AFDN: variants seen among roughly 807,000 people sequenced by gnomAD.
AFDN encodes afadin, adherens junction formation factor, also known as afadin.
AFDN carries 68 observed loss-of-function variants against 216.6 expected under a neutral mutation model. The ratio of observed to expected loss-of-function variants is 0.31; its 90% CI spans 0.26 to 0.38. The LOEUF is 0.38. Ranked by LOEUF, AFDN falls within the 10% of genes least tolerant of loss-of-function variation. The pLI is 1.00. For missense variants in AFDN, 2,136 were observed against 2,342.0 expected, an observed-to-expected ratio of 0.91 and a Z score of 1.82; for synonymous variants, 868 against 853.7, an observed-to-expected ratio of 1.02 and a Z score of -0.29.
intron 23 of AFDN, among the ~76,000 whole-genome samples, chr6:167,942,323 G>A (rs1350832533): frequency 6.6e-6 from 1 of 152,130 alleles, no homozygotes; most frequent in East Asian, 1.9e-4. Context: ...ACAGTGCCTC[G>A]CAGTGATTGA....
intron 26 of AFDN, among the ~76,000 whole-genome samples, chr6:167,944,416 A>G (rs1453884121): frequency 1.3e-5 from 2 of 152,170 alleles, no homozygotes; most frequent in Non-Finnish European, 2.9e-5. Flanking sequence ...GAATGAATGA[A>G]TGGATTTTCA....
chr6:167,856,312 A>G (rs1329529861), intron 1 of AFDN, among the ~76,000 whole-genome samples: 1 of 152,136 alleles, frequency 6.6e-6, no homozygotes, highest in Non-Finnish European at 1.5e-5. Flanking sequence ...GTATAGGAGA[A>G]AAAAACCTGT....
intron 21 of AFDN, among the ~76,000 whole-genome samples, chr6:167,922,333 C>G (rs926872244): frequency 4.6e-5 from 7 of 152,040 alleles, no homozygotes; most frequent in Admixed American, 2.0e-4. Flanking sequence ...TTAGTATGAC[C>G]TTAAAAGTAA....
At chr6:167,932,709 G>C (rs1269471728) in intron 23 of AFDN, 1 of 152,172 alleles carries the variant, frequency 6.6e-6, no homozygotes, top group Non-Finnish European at 1.5e-5. Context: ...AAGTTGTTGT[G>C]GTCCCGGAAA....
intron 5 of AFDN, among the ~76,000 whole-genome samples, chr6:167,876,679 G>T (rs1785423465): frequency 6.6e-6 from 1 of 152,136 alleles, no homozygotes; most frequent in Admixed American, 6.5e-5. Context: ...GGTAAACATA[G>T]CTAGCTTAGA....
chr6:167,880,637 C>G, intron 6 of AFDN, 120 bp downstream of exon 6: 1 of 962,816 alleles, frequency 1.0e-6, no homozygotes. Context: ...TGATAATTTA[C>G]AAATCATGTG....
chr6:167,864,205 G>C, intron 1 of AFDN: 1 of 511,356 alleles, frequency 2.0e-6, no homozygotes, highest in Non-Finnish European at 3.9e-6. Context: ...CTTGAAATAG[G>C]GTTAAATAAT....
At chr6:167,921,666 G>A (rs770736793) in intron 21 of AFDN, among the ~76,000 whole-genome samples, 14 of 151,444 alleles carry the variant, frequency 9.2e-5, no homozygotes, top group Non-Finnish European at 1.8e-4. Context: ...ATGGAAATGC[G>A]GCCCTTGAAA....
chr6:167,871,706 ATACT>A (rs749182082), intron 3 of AFDN, among the ~76,000 whole-genome samples: 96 of 152,368 alleles, frequency 6.3e-4, no homozygotes, highest in African/African-American at 2.1e-3. Context: ...CACAAACATA[ATACT>A]TACAACAGTT....
chr6:167,833,527 A>T (rs1780056085), intron 1 of AFDN, among the ~76,000 whole-genome samples: 1 of 152,224 alleles, frequency 6.6e-6, no homozygotes, highest in African/African-American at 2.4e-5. Context: ...TTGCAGACTT[A>T]AAACTTTTGG....
In AFDN at chr6:167,952,263, C is replaced by G. The variant is rs542645431; in HGVS notation, c.4833+76C>G. 18 of 1,607,946 alleles carry G rather than the reference C, an allele frequency of 1.1e-5. No homozygotes were observed. The South Asian group carries it at 1.7e-4, about 15-fold the overall frequency. ...TTCTGCGTGTTTCCCATGGGGATAG[C>G]TAGGCCCCTGATCGTGATAAGGATT... On this transcript the variant is annotated intron_variant, in intron 30 of 33. Transcript: ENST00000683244.
chr6:167,905,856 A>C (rs1351104437), intron 12 of AFDN, among the ~76,000 whole-genome samples: 1 of 152,194 alleles, frequency 6.6e-6, no homozygotes, highest in African/African-American at 2.4e-5. Context: ...CTATAATCCC[A>C]ACACTTTGGG....
At chr6:167,900,158 G>A (rs1022250257) in intron 11 of AFDN, among the ~76,000 whole-genome samples, 3 of 152,142 alleles carry the variant, frequency 2.0e-5, no homozygotes, top group South Asian at 2.1e-4. Flanking sequence ...GCTGCTTGGC[G>A]GCTGAACATA....
intron 23 of AFDN, among the ~76,000 whole-genome samples, chr6:167,934,083 ACT>A (rs1484665783): frequency 1.3e-5 from 2 of 152,158 alleles, no homozygotes; most frequent in Non-Finnish European, 2.9e-5. Flanking sequence ...AGAGTTGTGC[ACT>A]CTACCCTGGT....
intron 1 of AFDN, among the ~76,000 whole-genome samples, chr6:167,848,982 G>T (rs541594996): frequency 6.6e-6 from 1 of 152,250 alleles, no homozygotes; most frequent in South Asian, 2.1e-4. Flanking sequence ...ACGCAGTGCC[G>T]CATAGTGGTT....
At chr6:167,842,697 C>T (rs1013008898) in intron 1 of AFDN, among the ~76,000 whole-genome samples, 3 of 152,082 alleles carry the variant, frequency 2.0e-5, no homozygotes, top group African/African-American at 7.2e-5. Context: ...ATATTGCTTT[C>T]ATCACAGAAT....
intron 8 of AFDN, among the ~76,000 whole-genome samples, chr6:167,891,312 C>G (rs1003613478): frequency 4.6e-5 from 7 of 151,468 alleles, no homozygotes; most frequent in African/African-American, 1.2e-4. Flanking sequence ...ATTTTAATCC[C>G]TAAAATTTTT....
intron 33 of AFDN, among the ~76,000 whole-genome samples, chr6:167,969,425 T>C (rs60255171): frequency 0.017 from 2,525 of 152,318 alleles, 77 homozygotes; most frequent in African/African-American, 0.058. Context: ...ATTTGGCATA[T>C]TTATAGATGC....
chr6:167,857,231 T>TG (rs769300384), intron 1 of AFDN, among the ~76,000 whole-genome samples: 10 of 135,992 alleles, frequency 7.4e-5, no homozygotes, highest in Non-Finnish European at 1.2e-4. Context: ...AGGATGGGGG[T>TG]GGGGATAGTT....
Sources: gnomAD v4.1 joint callset for allele counts (sites outside exome capture counted in the v4.1 genomes callset) on GRCh38, gnomAD v4.1.1 for gene constraint, MANE v1.5 for transcripts, NCBI Gene and HGNC (gene_info 2026-07-23, HGNC 2026-07-21) for gene names.